E2F4: variants seen among roughly 807,000 people sequenced by gnomAD.
The protein encoded by E2F4 is transcription factor E2F4.
E2F4 carries 16 observed loss-of-function variants against 44.5 expected under a neutral mutation model. The ratio of observed to expected loss-of-function variants is 0.36; its 90% CI spans 0.24 to 0.55. The LOEUF (loss-of-function observed/expected upper bound fraction) is 0.55, where lower values mean the gene tolerates loss of function less well. E2F4 is among the 20% of genes least tolerant of loss of function. The probability of loss-of-function intolerance (pLI) is 0.87; values close to 1 mark genes in which losing one functional copy is unlikely to be tolerated. For synonymous variants in E2F4, 242 were observed against 207.2 expected (o/e 1.17, Z -1.44); for missense variants, 473 against 522.1 (o/e 0.91, Z 0.92).
intron 4 of E2F4, among the ~76,000 whole-genome samples, 185 bp downstream of exon 4, chr16:67,193,700 C>G (rs571466790): frequency 6.6e-6 from 1 of 152,282 alleles, no homozygotes; most frequent in South Asian, 2.1e-4. Context: ...TCAGCTATAC[C>G]AAAAGGGTAC....
In E2F4 at chr16:67,194,834, C is replaced by A. The variant is rs1433076261; in HGVS notation, c.662C>A (p.Ala221Asp). ...PPEDLLQSPS[A>D]VSTPPPLPKP... ...GAAGATTTGCTCCAGAGCCCATCTG[C>A]TGTTTCTACACCTCCACCTCTGCCC... The change falls in exon 6 of 10, where the codon GCT (alanine) becomes GAT (aspartate). Residue 221 changes from alanine (A) to aspartate (D), a missense_variant. Physicochemically the swap from Ala to Asp is moderately radical, Grantham distance 126. Around this residue, in one of 3 missense-constraint regions of E2F4, gnomAD observed 314 missense variants for 315.6 expected, o/e 0.99. Transcript: ENST00000379378. 1 of 1,614,192 alleles carries A rather than the reference C, an allele frequency of 6.2e-7. No homozygotes were observed.
intron 9 of E2F4, 32 bp downstream of exon 9, chr16:67,197,943 G>A: frequency 6.2e-7 from 1 of 1,614,148 alleles, no homozygotes; most frequent in Non-Finnish European, 8.5e-7. Context: ...GAGTGGGTGT[G>A]GGCAGGGGTT....
intron 7 of E2F4, 38 bp downstream of exon 7, chr16:67,196,044 T>A: frequency 6.2e-7 from 1 of 1,611,600 alleles, no homozygotes; most frequent in Non-Finnish European, 8.5e-7. Context: ...AGAGAGAGTC[T>A]AGCCTCAGTC....
In E2F4 at chr16:67,194,900, A is replaced by G. The variant is rs1315168077; in HGVS notation, c.728A>G (p.Asn243Ser). Residue 243 changes from asparagine (N) to serine (S), a missense_variant, in exon 6 of 10, where the codon AAT becomes AGT. By Grantham distance (46) the Asn-to-Ser change is conservative. Around this residue, in one of 3 missense-constraint regions of E2F4, gnomAD observed 314 missense variants for 315.6 expected, o/e 0.99. Transcript: ENST00000379378. ...LAQSQEASRP[N>S]SPQLTPTAVP... ...CAGTCCCAGGAAGCCTCACGTCCAA[A>G]TAGTCCTCAGCTCACTCCCACTGCT... 10 of 1,614,120 alleles carry G rather than the reference A, an allele frequency of 6.2e-6. No individual in the cohort carries two copies. Among genetic ancestry groups the G allele is most frequent in the Non-Finnish European group, 7.6e-6 (9 of 1,180,018 alleles).
At chr16:67,197,741 G>T in intron 8 of E2F4, 95 bp downstream of exon 8, 1 of 1,598,206 alleles carries the variant, frequency 6.3e-7, no homozygotes, top group Non-Finnish European at 8.6e-7. Context: ...ACCTTGTTGT[G>T]GCGCTTATGG....
chr16:67,193,643 A>C, intron 4 of E2F4, 128 bp downstream of exon 4: 1 of 991,654 alleles, frequency 1.0e-6, no homozygotes, highest in Non-Finnish European at 1.6e-6. Flanking sequence ...GAGAGGAACC[A>C]GGCAGGGTAA....
intron 1 of E2F4, 38 bp downstream of exon 1, chr16:67,192,400 G>A: frequency 1.4e-6 from 2 of 1,407,908 alleles, no homozygotes; most frequent in Non-Finnish European, 1.9e-6. Flanking sequence ...GGAGGCTGGT[G>A]GACCAGGCCT....
In E2F4 at chr16:67,197,869, T is replaced by C; in HGVS notation, c.1084T>C (p.Cys362Arg). Residue 362 changes from cysteine (C) to arginine (R), a missense_variant and splice_region_variant, in exon 9 of 10, where the codon TGC (cysteine) becomes CGC (arginine). Cys to Arg is a radical substitution (Grantham distance 180). Transcript: ENST00000379378. ...LSEIFDPTRECMSSELLEELM... is the reference protein window; with the variant it reads ...LSEIFDPTRERMSSELLEELM... The stretch of plus-strand genomic sequence containing the variant: ...AACTGAGCTCCCTCCATTCCCAGAG[T>C]GCATGAGCTCGGAGCTGCTGGAGGA... 1 of 1,613,730 alleles carries C rather than the reference T, an allele frequency of 6.2e-7. No homozygotes were observed. The highest frequency in any genetic ancestry group is 8.5e-7 in the Non-Finnish European group (1 of 1,179,922).
Position 67,197,065 on chromosome 16 carries a change from A to C in E2F4, c.1034-534A>C, listed in dbSNP as rs546284842. Among the ~76,000 whole-genome samples, 16 of 152,314 alleles carry C rather than the reference A, an allele frequency of 1.1e-4. No individual in the cohort carries two copies. The South Asian group carries it at 3.3e-3, about 32-fold the overall frequency. ...TTTCTCTGTTTGCAAAAGTACCTTTAATGGCTCCTTGAGGGCCACCAGATA... is the reference window on the plus strand; with the variant it reads ...TTTCTCTGTTTGCAAAAGTACCTTTCATGGCTCCTTGAGGGCCACCAGATA... On this transcript the variant is annotated intron_variant, in intron 7 of 9. Transcript: ENST00000379378.
intron 8 of E2F4, 77 bp downstream of exon 8, chr16:67,197,723 T>C: frequency 6.2e-7 from 1 of 1,600,680 alleles, no homozygotes; most frequent in Non-Finnish European, 8.5e-7. Context: ...TTTCTTGCCC[T>C]TTTGAGGACC....
At chr16:67,195,607 G>A (rs2032954435) in intron 6 of E2F4, 175 bp from the exon 7 acceptor site, 3 of 1,350,652 alleles carry the variant, frequency 2.2e-6, no homozygotes, top group Admixed American at 4.8e-5. Context: ...TTGTGTCCCT[G>A]TCTCCTGTGG....
At chr16:67,196,785 GC>G (rs1486844897) in intron 7 of E2F4, among the ~76,000 whole-genome samples, 1 of 151,992 alleles carries the variant, frequency 6.6e-6, no homozygotes, top group Non-Finnish European at 1.5e-5. Context: ...TGCGCACCCA[GC>G]CGTCAGCCCT....
intron 5 of E2F4, 30 bp from the exon 6 acceptor site, chr16:67,194,656 C>A: frequency 6.2e-7 from 1 of 1,601,182 alleles, no homozygotes; most frequent in Non-Finnish European, 8.5e-7. Flanking sequence ...CAATTCTACC[C>A]ATCTCCCATC....
chr16:67,197,448 C>A, intron 7 of E2F4, 151 bp from the exon 8 acceptor site: 1 of 747,916 alleles, frequency 1.3e-6, no homozygotes, highest in Non-Finnish European at 2.3e-6. Flanking sequence ...GTGAGGCCAA[C>A]AGACAGTGCC....
intron 7 of E2F4, among the ~76,000 whole-genome samples, chr16:67,197,386 C>T (rs1447086588): frequency 6.6e-6 from 1 of 152,166 alleles, no homozygotes; most frequent in Admixed American, 6.5e-5. Context: ...CAATCGCTTG[C>T]AGGGGGCCTT....
At chr16:67,196,899 T>A (rs2142213956) in intron 7 of E2F4, among the ~76,000 whole-genome samples, 1 of 152,312 alleles carries the variant, frequency 6.6e-6, no homozygotes, top group Non-Finnish European at 1.5e-5. Flanking sequence ...CTGTCCCAGA[T>A]GTCCCCTCCT....
In E2F4 at chr16:67,198,807, T is replaced by A; in HGVS notation, c.*684T>A. On this transcript the variant is annotated 3_prime_UTR_variant, in exon 10 of 10. Transcript: ENST00000379378. Reference sequence around the variant, plus strand: ...GCCATTTGCAGAGATTTAGAAAGATTTACAGTAACGAATGGATTCCTATAT... The same window carrying A: ...GCCATTTGCAGAGATTTAGAAAGATATACAGTAACGAATGGATTCCTATAT... The A allele has an allele frequency of 3.8e-6, 1 of 265,160 alleles. No individual in the cohort carries two copies. Among genetic ancestry groups the A allele is most frequent in the South Asian group, 6.8e-5 (1 of 14,804 alleles). The allele number at this position is 265,160 out of a possible 1,614,324, so 16.4% of individuals were successfully genotyped here.
chr16:67,194,878 T>A lies in E2F4; in HGVS notation c.706T>A (p.Ser236Thr). 2 of 1,614,132 alleles carry A rather than the reference T, an allele frequency of 1.2e-6. No homozygotes were observed. The highest frequency in any genetic ancestry group is 4.5e-5 in the East Asian group (2 of 44,878). The change falls in exon 6 of 10, where the codon TCC becomes ACC. Residue 236 changes from serine (S) to threonine (T), a missense_variant. Physicochemically the swap from Ser to Thr is moderately conservative, Grantham distance 58. Transcript: ENST00000379378. ...TCTGCCCAAGCCTGCCCTAGCCCAG[T>A]CCCAGGAAGCCTCACGTCCAAATAG... Reference protein sequence around the residue: ...PPLPKPALAQSQEASRPNSPQ... With the variant: ...PPLPKPALAQTQEASRPNSPQ...
chr16:67,195,073 G>A lies in E2F4; in HGVS notation c.808+93G>A, dbSNP rs547429805. On this transcript the variant is annotated intron_variant, in intron 6 of 9. Transcript: ENST00000379378. The stretch of plus-strand genomic sequence containing the variant: ...CTCAGAGTTGGAAGAGACTCTTCAG[G>A]TTGGGGATTGTCCTTTTCCTGACCA... 2.2e-5 allele frequency: 33 copies of A among 1,468,154 alleles called. No individual in the cohort carries two copies. In the East Asian group the frequency reaches 6.6e-4, roughly 29 times the overall value. The allele number at this position is 1,468,154 out of a possible 1,614,324, so 90.9% of individuals were successfully genotyped here.
Sources: gnomAD v4.1 joint callset for allele counts (sites outside exome capture counted in the v4.1 genomes callset) on GRCh38, gnomAD v4.1.1 for gene constraint, gnomAD v4.1.1 regional missense constraint, MANE v1.5 for transcripts, NCBI Gene and HGNC (gene_info 2026-07-23, HGNC 2026-07-21) for gene names.